LRBA: variants seen among roughly 807,000 people sequenced by gnomAD.
The protein encoded by LRBA is lipopolysaccharide-responsive and beige-like anchor protein.
Under a neutral mutation model 330.0 loss-of-function variants are expected in LRBA, and 176 were observed. That is an observed-to-expected ratio of 0.53 (90% CI 0.47 to 0.60). The LOEUF is 0.60. Ranked by LOEUF, LRBA falls within the 20% of genes least tolerant of loss-of-function variation. LRBA has a pLI of 0.00. For missense variants in LRBA, 3,259 were observed against 3,444.8 expected, an observed-to-expected ratio of 0.95 and a Z score of 1.35; for synonymous variants, 1,230 against 1,193.0, an observed-to-expected ratio of 1.03 and a Z score of -0.64.
chr4:150,372,758 T>A (rs1740562119), intron 47 of LRBA, among the ~76,000 whole-genome samples: 1 of 147,280 alleles, frequency 6.8e-6, no homozygotes, highest in East Asian at 2.0e-4. Context: ...ACGCAGTAAG[T>A]TCTTACTAGA....
chr4:150,647,648 C>G, intron 37 of LRBA, among the ~76,000 whole-genome samples: 1 of 151,946 alleles, frequency 6.6e-6, no homozygotes, highest in East Asian at 1.9e-4. Flanking sequence ...ATTTTCCCAC[C>G]TCCTTAAATG....
chr4:150,366,704 C>T (rs1257804703), intron 47 of LRBA, among the ~76,000 whole-genome samples: 1 of 152,138 alleles, frequency 6.6e-6, no homozygotes, highest in Non-Finnish European at 1.5e-5. Context: ...CACCCCATGA[C>T]AGAATGCAGC....
intron 52 of LRBA, among the ~76,000 whole-genome samples, chr4:150,309,353 A>G (rs564717275): frequency 6.6e-6 from 1 of 152,264 alleles, no homozygotes; most frequent in South Asian, 2.1e-4. Context: ...AGTATACTCT[A>G]TAATGCTGCA....
intron 36 of LRBA, among the ~76,000 whole-genome samples, chr4:150,724,457 C>G (rs887887702): frequency 6.6e-6 from 1 of 152,128 alleles, no homozygotes; most frequent in South Asian, 2.1e-4. Flanking sequence ...CCAAGGACAA[C>G]AGTCACAAAC....
intron 55 of LRBA, among the ~76,000 whole-genome samples, chr4:150,278,211 T>G (rs780160600): frequency 1.9e-4 from 29 of 152,204 alleles, no homozygotes; most frequent in Non-Finnish European, 3.5e-4. Flanking sequence ...TTGAGATTGT[T>G]TTGGCTTTGC....
chr4:150,771,333 C>T (rs1314838389), intron 34 of LRBA, among the ~76,000 whole-genome samples: 1 of 152,134 alleles, frequency 6.6e-6, no homozygotes, highest in Non-Finnish European at 1.5e-5. Flanking sequence ...TTGTCCCAGC[C>T]ATATAAGGTA....
chr4:150,490,915 T>G lies in LRBA; in HGVS notation c.6448+3A>C. The G allele has an allele frequency of 6.4e-7, 1 of 1,553,904 alleles. No individual in the cohort carries two copies. The highest frequency in any genetic ancestry group is 8.9e-7 in the Non-Finnish European group (1 of 1,128,242). The stretch of plus-strand genomic sequence containing the variant: ...GTAACAACGTATTTCTGTAACACAT[T>G]ACCTCTGTTTGCCATAAAGATCTCC... On this transcript the variant is annotated splice_donor_region_variant and intron_variant, in intron 41 of 56. Coordinates refer to ENST00000651943, the MANE Select transcript of LRBA (RefSeq NM_001364905.1).
intron 53 of LRBA, among the ~76,000 whole-genome samples, chr4:150,301,811 A>C (rs757595802): frequency 1.3e-5 from 2 of 152,184 alleles, no homozygotes; most frequent in Non-Finnish European, 2.9e-5. Context: ...AAGAAACTGT[A>C]AATATTTAAG....
At chr4:150,963,426 G>C (rs1394103473) in intron 2 of LRBA, among the ~76,000 whole-genome samples, 1 of 149,614 alleles carries the variant, frequency 6.7e-6, no homozygotes, top group South Asian at 2.1e-4. Flanking sequence ...ACTGCGAGTG[G>C]TCTGCCGGCC....
At chr4:150,271,601 T>C (rs1746109182) in intron 56 of LRBA, among the ~76,000 whole-genome samples, 1 of 146,862 alleles carries the variant, frequency 6.8e-6, no homozygotes, top group Non-Finnish European at 1.5e-5. Context: ...CAAGCTAAGA[T>C]CCACTGGCTT....
At chr4:150,506,401 T>G (rs1308940872) in intron 40 of LRBA, among the ~76,000 whole-genome samples, 3 of 152,198 alleles carry the variant, frequency 2.0e-5, no homozygotes, top group Non-Finnish European at 4.4e-5. Flanking sequence ...GCTTCATCCC[T>G]GAGATGCAAG....
In LRBA at chr4:150,970,556, T is replaced by TGTAC. The variant is rs1166996824; in HGVS notation, c.217-41492_217-41491insGTAC. On this transcript the variant is annotated intron_variant, in intron 2 of 56. Coordinates refer to ENST00000651943, the MANE Select transcript of LRBA (RefSeq NM_001364905.1). ...GTGTGTGTGTGTGTGTGTGTGTGTG[T>TGTAC]ACACACACACACACACACACACACA... 291 of 41,668 alleles carry TGTAC rather than the reference T, an allele frequency of 7.0e-3. 1 individual carries two copies. The highest frequency in any genetic ancestry group is 0.014 in the African/African-American group (223 of 15,532). The allele number at this position is 41,668 out of a possible 1,614,324, so 2.6% of individuals were successfully genotyped here. A position where few individuals can be genotyped will look rare whatever the true frequency, so the allele number is the denominator to read the frequency against.
intron 37 of LRBA, among the ~76,000 whole-genome samples, chr4:150,654,439 T>C (rs1040162646): frequency 2.6e-5 from 4 of 152,328 alleles, no homozygotes; most frequent in Non-Finnish European, 5.9e-5. Flanking sequence ...TCCACCCATC[T>C]TGGCCTCCCA....
At chr4:150,786,628 G>A (rs949097109) in intron 34 of LRBA, among the ~76,000 whole-genome samples, 2 of 152,104 alleles carry the variant, frequency 1.3e-5, no homozygotes, top group Admixed American at 6.5e-5. Flanking sequence ...TCACCCAGAA[G>A]TGGACTCAGC....
intron 31 of LRBA, among the ~76,000 whole-genome samples, chr4:150,811,629 A>C (rs141633093): frequency 1.8e-4 from 28 of 152,180 alleles, no homozygotes; most frequent in African/African-American, 6.7e-4. Context: ...CAGCCTTCTG[A>C]GTAGGTGAGA....
At chr4:150,519,079 A>C (rs1305105042) in intron 40 of LRBA, among the ~76,000 whole-genome samples, 1 of 152,260 alleles carries the variant, frequency 6.6e-6, no homozygotes, top group African/African-American at 2.4e-5. Context: ...AATTCATATC[A>C]AAATAGCAAT....
At chr4:150,717,141 G>A (rs1252351741) in intron 36 of LRBA, among the ~76,000 whole-genome samples, 1 of 152,132 alleles carries the variant, frequency 6.6e-6, no homozygotes, top group African/African-American at 2.4e-5. Context: ...ACAAACCACT[G>A]AGCCTCGCTG....
At chr4:150,509,988 C>T (rs751802620) in intron 40 of LRBA, among the ~76,000 whole-genome samples, 11 of 152,020 alleles carry the variant, frequency 7.2e-5, no homozygotes, top group Admixed American at 3.3e-4. Context: ...AATACAAAAA[C>T]AGCCAAGTGT....
intron 2 of LRBA, among the ~76,000 whole-genome samples, chr4:150,976,183 A>G: frequency 6.6e-6 from 1 of 151,364 alleles, no homozygotes; most frequent in Non-Finnish European, 1.5e-5. Flanking sequence ...TTGAAAAAAA[A>G]AAAAAAAAAA....
Sources: allele counts gnomAD v4.1 joint callset (sites outside exome capture counted in the v4.1 genomes callset), GRCh38; gene constraint gnomAD v4.1.1; transcripts MANE v1.5; gene names NCBI Gene and HGNC (gene_info 2026-07-23, HGNC 2026-07-21).